Variants in MCPH1 observed in about 807,000 individuals in gnomAD.
MCPH1 encodes microcephalin.
A neutral mutation model predicts 84.5 loss-of-function variants in MCPH1; 104 were observed. The ratio of observed to expected loss-of-function variants is 1.23; its 90% CI spans 1.05 to 1.45. MCPH1 has a LOEUF of 1.45. Among genes scored for constraint, MCPH1 ranks in the 40% most tolerant of loss-of-function variants. The probability of loss-of-function intolerance (pLI) is 0.00; values close to 1 mark genes in which losing one functional copy is unlikely to be tolerated. For missense variants in MCPH1, 1,498 were observed against 1,005.7 expected (o/e 1.49, Z -6.62); for synonymous variants, 514 against 366.8 (o/e 1.40, Z -4.58).
chr8:6,481,267 ATTGT>A, intron 11 of MCPH1, among the ~76,000 whole-genome samples: 1 of 152,220 alleles, frequency 6.6e-6, no homozygotes, highest in Non-Finnish European at 1.5e-5. Flanking sequence ...TAATTCAGTG[ATTGT>A]TTGTACAGAT....
intron 12 of MCPH1, among the ~76,000 whole-genome samples, chr8:6,539,584 C>A (rs1823376): frequency 0.79 from 120,437 of 152,000 alleles, 48,086 homozygotes; most frequent in Non-Finnish European, 0.84. Context: ...TCTAGTCATA[C>A]TTTTTTATTG....
intron 13 of MCPH1, among the ~76,000 whole-genome samples, chr8:6,641,117 T>A (rs1797908774): frequency 6.6e-6 from 1 of 152,204 alleles, no homozygotes; most frequent in South Asian, 2.1e-4. Flanking sequence ...CTATAAACTT[T>A]AGAATAAACA....
chr8:6,418,280 G>A (rs942739191), intron 3 of MCPH1, among the ~76,000 whole-genome samples: 3 of 152,126 alleles, frequency 2.0e-5, no homozygotes, highest in East Asian at 1.9e-4. Context: ...GCCTTTAGGG[G>A]ACAGACAGAA....
At chr8:6,467,713 T>G (rs1807156937) in intron 9 of MCPH1, among the ~76,000 whole-genome samples, 2 of 152,136 alleles carry the variant, frequency 1.3e-5, no homozygotes, top group African/African-American at 4.8e-5. Context: ...CCTCCAGCCT[T>G]GGCCTCATGA....
intron 12 of MCPH1, among the ~76,000 whole-genome samples, chr8:6,546,857 A>G (rs1456308587): frequency 6.6e-6 from 1 of 152,234 alleles, no homozygotes; most frequent in African/African-American, 2.4e-5. Flanking sequence ...TAAGTCAAAA[A>G]GAACTAATAA....
chr8:6,575,373 G>T (rs541895647), intron 12 of MCPH1, among the ~76,000 whole-genome samples: 3 of 152,144 alleles, frequency 2.0e-5, no homozygotes, highest in African/African-American at 7.2e-5. Context: ...CTTGGCCACG[G>T]TTTCACAGGT....
At chr8:6,520,227 A>C (rs1817055229) in intron 12 of MCPH1, among the ~76,000 whole-genome samples, 1 of 152,224 alleles carries the variant, frequency 6.6e-6, no homozygotes, top group South Asian at 2.1e-4. Context: ...AAAATACTTC[A>C]AATAATCCAA....
chr8:6,519,837 G>A (rs1467326441), intron 12 of MCPH1: 5 of 1,611,300 alleles, frequency 3.1e-6, no homozygotes, highest in Non-Finnish European at 4.2e-6. Flanking sequence ...GAGCCAGGGA[G>A]TTAGTAAGGG....
Position 6,556,423 on chromosome 8 carries a change from G to A in MCPH1, c.2214+56494G>A, listed in dbSNP as rs543143338. 2.2e-4 allele frequency among the ~76,000 whole-genome samples: 33 copies of A among 152,066 alleles called. 1 individual carries two copies. The South Asian group carries it at 6.4e-3, about 30-fold the overall frequency. ...ATTTTCCTTTTATAAAAGGGTTTCC[G>A]TGTAGTGACCAAGGACTTAACATCA... On this transcript the variant is annotated intron_variant, in intron 12 of 13. Transcript: ENST00000344683.
intron 12 of MCPH1, among the ~76,000 whole-genome samples, chr8:6,575,616 G>A (rs769142624): frequency 1.3e-5 from 2 of 152,122 alleles, no homozygotes; most frequent in Non-Finnish European, 2.9e-5. Flanking sequence ...TTTGTTCTCC[G>A]AAAATTCATG....
At chr8:6,518,500 T>G (rs1816720960) in intron 12 of MCPH1, among the ~76,000 whole-genome samples, 1 of 152,224 alleles carries the variant, frequency 6.6e-6, no homozygotes, top group South Asian at 2.1e-4. Context: ...GAAAGGTTTC[T>G]TTGGAAAGCA....
At chr8:6,468,186 C>T (rs370190001) in intron 9 of MCPH1, among the ~76,000 whole-genome samples, 28 of 152,328 alleles carry the variant, frequency 1.8e-4, no homozygotes, top group African/African-American at 5.3e-4. Context: ...CTGCACCTCA[C>T]GGTCTTGGGC....
At chr8:6,623,992 G>A (rs1831784805) in intron 13 of MCPH1, among the ~76,000 whole-genome samples, 1 of 152,196 alleles carries the variant, frequency 6.6e-6, no homozygotes, top group Admixed American at 6.5e-5. Flanking sequence ...GCCGTGCAGT[G>A]CCCGAGCCTG....
chr8:6,429,501 C>T (rs1053869631), intron 3 of MCPH1, among the ~76,000 whole-genome samples: 10 of 152,228 alleles, frequency 6.6e-5, no homozygotes, highest in Middle Eastern at 3.4e-3. Context: ...ACTCCTCCCC[C>T]GCCCCAGCTG....
At chr8:6,420,034 A>C (rs912985830) in intron 3 of MCPH1, among the ~76,000 whole-genome samples, 1 of 146,658 alleles carries the variant, frequency 6.8e-6, no homozygotes. Context: ...AGTTTCTTTT[A>C]TAGGTGATGC....
At chr8:6,581,062 G>T (rs1380851494) in intron 12 of MCPH1, among the ~76,000 whole-genome samples, 1 of 152,186 alleles carries the variant, frequency 6.6e-6, no homozygotes, top group African/African-American at 2.4e-5. Flanking sequence ...ATCTAGGGAT[G>T]ATTTAAACTA....
chr8:6,468,237 G>A (rs1413499469), intron 9 of MCPH1, among the ~76,000 whole-genome samples: 2 of 152,128 alleles, frequency 1.3e-5, no homozygotes, highest in Non-Finnish European at 2.9e-5. Context: ...CTTATTGTGG[G>A]TAGGCTGGAA....
chr8:6,478,807 A>G (rs1808811021), intron 10 of MCPH1, among the ~76,000 whole-genome samples: 1 of 152,124 alleles, frequency 6.6e-6, no homozygotes, highest in Non-Finnish European at 1.5e-5. Flanking sequence ...TGACTCAAGC[A>G]CACATTCTCG....
intron 9 of MCPH1, among the ~76,000 whole-genome samples, chr8:6,462,574 C>T (rs910873234): frequency 2.0e-5 from 3 of 152,178 alleles, no homozygotes; most frequent in African/African-American, 7.2e-5. Flanking sequence ...TTCTCTTCTC[C>T]AAGGCTGTGC....
Sources: gnomAD v4.1 joint callset for allele counts (sites outside exome capture counted in the v4.1 genomes callset) on GRCh38, gnomAD v4.1.1 for gene constraint, MANE v1.5 for transcripts, NCBI Gene and HGNC (gene_info 2026-07-23, HGNC 2026-07-21) for gene names.